Variants in ZNF628 observed in about 807,000 individuals in gnomAD.
The protein encoded by ZNF628 is zinc finger protein 628.
In ZNF628, 3 loss-of-function variants were observed where a neutral mutation model predicts 2.5. The ratio of observed to expected loss-of-function variants is 1.19; its 90% CI spans 0.54 to 3.07. ZNF628 has a LOEUF of 3.07. Among genes scored for constraint, ZNF628 ranks in the 30% most tolerant of loss-of-function variants. ZNF628 has a pLI of 0.03. For missense variants in ZNF628, 1,610 were observed against 1,517.1 expected (o/e 1.06, Z -1.02); for synonymous variants, 861 against 717.1 (o/e 1.20, Z -3.21).
chr19:55,482,571 G>A lies in ZNF628; in HGVS notation c.1378G>A (p.Gly460Ser). ...GCGGCCCTACAAATGTGCCGAGTGC[G>A]GCAAGTCCTTCAAGGGCTCCTCCGG... ...AERPYKCAEC[G>S]KSFKGSSGLR... The change falls in exon 3 of 3, where the codon GGC (glycine) becomes AGC (serine). Residue 460 changes from glycine (G) to serine (S), a missense_variant. Physicochemically the swap from Gly to Ser is moderately conservative, Grantham distance 56. Around this residue, in one of 5 missense-constraint regions of ZNF628, gnomAD observed 651 missense variants for 575.6 expected, o/e 1.13. Transcript: ENST00000598519. 6.3e-7 allele frequency: 1 copy of A among 1,596,300 alleles called. No individual in the cohort carries two copies. Among genetic ancestry groups the A allele is most frequent in the Non-Finnish European group, 8.5e-7 (1 of 1,175,176 alleles).
intron 1 of ZNF628, among the ~76,000 whole-genome samples, chr19:55,478,683 G>A (rs556912046): frequency 3.0e-4 from 46 of 152,372 alleles, no homozygotes; most frequent in Non-Finnish European, 6.3e-4. Flanking sequence ...CCGTGGGGAG[G>A]CTGTTGCAGC....
intron 2 of ZNF628, among the ~76,000 whole-genome samples, chr19:55,480,403 G>A (rs1036169399): frequency 3.3e-5 from 5 of 151,808 alleles, no homozygotes; most frequent in South Asian, 2.1e-4. Context: ...CTGCCACCAC[G>A]TCCAGCTAAT....
In ZNF628 at chr19:55,481,888, CG is replaced by C. The variant is rs1322407251; in HGVS notation, c.698del (p.Gly233ValfsTer194). 1 of 1,512,818 alleles carries C rather than the reference CG, an allele frequency of 6.6e-7. No individual in the cohort carries two copies. Among genetic ancestry groups the C allele is most frequent in the African/African-American group, 1.4e-5 (1 of 70,998 alleles). The allele number at this position is 1,512,818 out of a possible 1,614,324, so 93.7% of individuals were successfully genotyped here. On this transcript the variant is annotated frameshift_variant, in exon 3 of 3. Coordinates refer to ENST00000598519, the MANE Select transcript of ZNF628 (RefSeq NM_033113.3). LOFTEE classifies it low-confidence loss of function (END_TRUNC). ...CGCACGCACGGCGCCGCCCCCGCCC[CG>C]GGTACCGCCTCCGCGGCCCCGCCCC... ...HQRTHGAAPA[P>X]GTASAAPPPQ...
At position 55,484,115 on chromosome 19, in the gene ZNF628, C is replaced by G. The variant is rs1986840745; in HGVS notation, c.2922C>G (p.Leu974=). 1.3e-6 allele frequency: 2 copies of G among 1,592,010 alleles called. No homozygotes were observed. Among genetic ancestry groups the G allele is most frequent in the Non-Finnish European group, 1.7e-6 (2 of 1,171,194 alleles). The change falls in exon 3 of 3, where the codon CTC becomes CTG. Residue 974 remains leucine (L), a synonymous_variant. Transcript: ENST00000598519. ...CCACCGGCCCACCCGGACAGAAACT[C>G]CTCATCATCCGCAGCGCCCCAGCCA... ...PPATGPPGQK[L]LIIRSAPATE...
Position 55,481,218 on chromosome 19 carries a change from C to A in ZNF628, c.25C>A (p.His9Asn). MSGVMVGS[H>N]ADMAPASTAE... ...TCCCCCAGGTGTGATGGTCGGCTCCCACGCGGACATGGCGCCGGCCTCTAC... is the reference window on the plus strand; with the variant it reads ...TCCCCCAGGTGTGATGGTCGGCTCCAACGCGGACATGGCGCCGGCCTCTAC... The change falls in exon 3 of 3, where the codon CAC becomes AAC. Residue 9 changes from histidine (H) to asparagine (N), a missense_variant. His to Asn is a moderately conservative substitution (Grantham distance 68). Transcript: ENST00000598519. The A allele has an allele frequency of 6.4e-7, 1 of 1,557,708 alleles. No homozygotes were observed. Among genetic ancestry groups the A allele is most frequent in the Middle Eastern group, 1.7e-4 (1 of 5,734 alleles).
In ZNF628 at chr19:55,481,245, G is replaced by T; in HGVS notation, c.52G>T (p.Ala18Ser). 1 of 1,580,406 alleles carries T rather than the reference G, an allele frequency of 6.3e-7. No individual in the cohort carries two copies. Among genetic ancestry groups the T allele is most frequent in the Non-Finnish European group, 8.6e-7 (1 of 1,165,918 alleles). Residue 18 changes from alanine to serine, a missense_variant, in exon 3 of 3, where the codon GCG becomes TCG. Physicochemically the swap from Ala to Ser is moderately conservative, Grantham distance 99 (BLOSUM62 1). Coordinates refer to ENST00000598519, the MANE Select transcript of ZNF628 (RefSeq NM_033113.3). ...SHADMAPAST[A>S]EGAGEKPGPA... Reference sequence around the variant, plus strand: ...CGCGGACATGGCGCCGGCCTCTACTGCGGAGGGGGCCGGGGAGAAGCCAGG... The same window carrying T: ...CGCGGACATGGCGCCGGCCTCTACTTCGGAGGGGGCCGGGGAGAAGCCAGG...
rs765366997 is a variant in ZNF628 at position 55,483,937 on chromosome 19, G to T, written c.2744G>T (p.Ser915Ile). ...GPGEAGDGEA[S>I]TGVVQDVLFE... The stretch of plus-strand genomic sequence containing the variant: ...GGGGAGGCGGGGGATGGCGAGGCCA[G>T]CACTGGTGTGGTCCAGGATGTCCTC... The change falls in exon 3 of 3, where the codon AGC becomes ATC. Residue 915 changes from serine to isoleucine, a missense_variant. Coordinates refer to ENST00000598519, the MANE Select transcript of ZNF628 (RefSeq NM_033113.3). The T allele has an allele frequency of 1.3e-6, 2 of 1,573,898 alleles. No homozygotes were observed. The highest frequency in any genetic ancestry group is 1.7e-6 in the Non-Finnish European group (2 of 1,158,932).
In ZNF628 at chr19:55,481,181, AC is replaced by A; in HGVS notation, c.8-17del. 1 of 1,507,100 alleles carries A rather than the reference AC, an allele frequency of 6.6e-7. No homozygotes were observed. The allele number at this position is 1,507,100 out of a possible 1,614,324, so 93.4% of individuals were successfully genotyped here. On this transcript the variant is annotated intron_variant, in intron 2 of 2. Transcript: ENST00000598519. ...GATCCAGTGCGGGGGTGAGCCGCTG[AC>A]CCAGAATCCCTCCCCCAGGTGTGAT...
chr19:55,477,453 C>A (rs143174149), intron 1 of ZNF628, among the ~76,000 whole-genome samples: 1 of 149,852 alleles, frequency 6.7e-6, no homozygotes, highest in African/African-American at 2.4e-5. Context: ...TTAAAGGGTA[C>A]ACTTATCTTT....
rs1357646346 is a variant in ZNF628 at position 55,476,822 on chromosome 19, G to T, written c.-78+15G>T. The T allele has an allele frequency of 1.3e-5, 2 of 149,576 alleles. No homozygotes were observed. Among genetic ancestry groups the T allele is most frequent in the Non-Finnish European group, 3.0e-5 (2 of 67,040 alleles). 9.3% of individuals were successfully genotyped at this position (149,576 alleles called of 1,614,324 possible). A position where few individuals can be genotyped will look rare whatever the true frequency, so the allele number is the denominator to read the frequency against. On this transcript the variant is annotated intron_variant, in intron 1 of 2. Transcript: ENST00000598519. The stretch of plus-strand genomic sequence containing the variant: ...TGGGGCCGCAGGTGAGAGACCGGAG[G>T]GGGTGGGGGTGGGGGGAGGGACCGG...
rs150844462 is a variant in ZNF628, at chr19:55,484,095, G to A, written c.2902G>A (p.Gly968Ser). ...TGGGCTGACGGAGCCGCCTGCCACC[G>A]GCCCACCCGGACAGAAACTCCTCAT... is the stretch of plus-strand genomic sequence containing the variant. ...PPGLTEPPAT[G>S]PPGQKLLIIR... The change falls in exon 3 of 3, where the codon GGC (glycine) becomes AGC (serine). Residue 968 changes from glycine (G) to serine (S), a missense_variant. By Grantham distance (56) the Gly-to-Ser change is moderately conservative. Transcript: ENST00000598519. The A allele has an allele frequency of 6.3e-6, 10 of 1,592,202 alleles. No homozygotes were observed. In the African/African-American group the frequency reaches 1.3e-4, roughly 21 times the overall value.
rs146031583 is a variant in ZNF628, at chr19:55,484,119, A to C, written c.2926A>C (p.Ile976Leu). 8 of 1,591,110 alleles carry C rather than the reference A, an allele frequency of 5.0e-6. No individual in the cohort carries two copies. In the Admixed American group the frequency reaches 5.2e-5, roughly 10 times the overall value. Reference protein sequence around the residue: ...ATGPPGQKLLIIRSAPATELL... With the variant: ...ATGPPGQKLLLIRSAPATELL... ...CGGCCCACCCGGACAGAAACTCCTCATCATCCGCAGCGCCCCAGCCACTGA... is the reference window on the plus strand; with the variant it reads ...CGGCCCACCCGGACAGAAACTCCTCCTCATCCGCAGCGCCCCAGCCACTGA... Residue 976 changes from isoleucine (I) to leucine (L), a missense_variant, in exon 3 of 3, where the codon ATC becomes CTC. By Grantham distance (5) the Ile-to-Leu change is conservative. This residue lies in a region of ZNF628 where 712 missense variants were observed against 603.6 expected (regional missense o/e 1.18). Coordinates refer to ENST00000598519, the MANE Select transcript of ZNF628 (RefSeq NM_033113.3).
intron 1 of ZNF628, among the ~76,000 whole-genome samples, chr19:55,477,522 G>A (rs538649577): frequency 1.4e-4 from 21 of 152,272 alleles, no homozygotes; most frequent in African/African-American, 5.1e-4. Context: ...AGCACTTTGG[G>A]AGGCCGAGGC....
In ZNF628 at chr19:55,484,242, G is replaced by A; in HGVS notation, c.3049G>A (p.Gly1017Arg). Residue 1017 changes from glycine to arginine, a missense_variant, in exon 3 of 3, where the codon GGG (glycine) becomes AGG (arginine). Gly to Arg is a moderately radical substitution (Grantham distance 125). Transcript: ENST00000598519. Reference sequence around the variant, plus strand: ...AGCCTCGGGCCCCGCGGGGCTCCCCGGGGCTCCAGCCTCCCAGATGGTGCA... The same window carrying A: ...AGCCTCGGGCCCCGCGGGGCTCCCCAGGGCTCCAGCCTCCCAGATGGTGCA... Reference protein sequence around the residue: ...GPASGPAGLPGAPASQMVQVV... With the variant: ...GPASGPAGLPRAPASQMVQVV... The A allele has an allele frequency of 6.5e-7, 1 of 1,548,348 alleles. No individual in the cohort carries two copies. The highest frequency in any genetic ancestry group is 8.7e-7 in the Non-Finnish European group (1 of 1,146,098).
Position 55,483,225 on chromosome 19 carries a change from G to A in ZNF628, c.2032G>A (p.Val678Ile). ...AARAPPATQDVHVLPHLQATL... is the reference protein window; with the variant it reads ...AARAPPATQDIHVLPHLQATL... ...GCGGGCCCCGCCAGCCACCCAAGAT[G>A]TCCACGTCCTGCCCCACCTCCAGGC... Residue 678 changes from valine to isoleucine, a missense_variant, in exon 3 of 3, where the codon GTC becomes ATC. Around this residue, in one of 5 missense-constraint regions of ZNF628, gnomAD observed 712 missense variants for 603.6 expected, o/e 1.18. Coordinates refer to ENST00000598519, the MANE Select transcript of ZNF628 (RefSeq NM_033113.3). The A allele has an allele frequency of 1.3e-6, 2 of 1,540,352 alleles. No individual in the cohort carries two copies. The highest frequency in any genetic ancestry group is 1.7e-6 in the Non-Finnish European group (2 of 1,149,258).
chr19:55,482,502 GC>G lies in ZNF628; in HGVS notation c.1314del (p.Val439SerfsTer203), dbSNP rs752132186. 2.8e-6 allele frequency: 4 copies of G among 1,439,444 alleles called. No individual in the cohort carries two copies. Among genetic ancestry groups the G allele is most frequent in the South Asian group, 1.4e-5 (1 of 71,506 alleles). The allele number at this position is 1,439,444 out of a possible 1,614,324, so 89.2% of individuals were successfully genotyped here. On this transcript the variant is annotated frameshift_variant, in exon 3 of 3. Coordinates refer to ENST00000598519, the MANE Select transcript of ZNF628 (RefSeq NM_033113.3). LOFTEE classifies it low-confidence loss of function (END_TRUNC). ...CCCCCAGGAACCGCTGGCGCCTGCC[GC>G]CCCCGTCCCGCCGCCACCCCCGTCC... Reference protein sequence around the residue: ...TCPQEPLAPAAPVPPPPPSAP... With the variant: ...TCPQEPLAPAXPVPPPPPSAP...
rs997975178 is a variant in ZNF628, at chr19:55,481,910, G to GC, written c.724dup (p.Gln242ProfsTer40). On this transcript the variant is annotated frameshift_variant, in exon 3 of 3. Coordinates refer to ENST00000598519, the MANE Select transcript of ZNF628 (RefSeq NM_033113.3). LOFTEE classifies it low-confidence loss of function (END_TRUNC). The stretch of plus-strand genomic sequence containing the variant: ...CCCCGGGTACCGCCTCCGCGGCCCC[G>GC]CCCCCCCAGTCCCGGGAGCCCGGCA... The GC allele has an allele frequency of 1.2e-5, 17 of 1,365,930 alleles. No homozygotes were observed. The highest frequency in any genetic ancestry group is 7.6e-5 in the Admixed American group (3 of 39,582). The allele number at this position is 1,365,930 out of a possible 1,614,324, so 84.6% of individuals were successfully genotyped here.
In ZNF628 at chr19:55,483,480, G is replaced by T; in HGVS notation, c.2287G>T (p.Ala763Ser). ...CGGCCGTGCAAGGCAGGGCCCGCGGGCAGTGGGGAAAGCGGGCCAGGGGGC... is the reference window on the plus strand; with the variant it reads ...CGGCCGTGCAAGGCAGGGCCCGCGGTCAGTGGGGAAAGCGGGCCAGGGGGC... Reference protein sequence around the residue: ...GGGRARQGPRAVGKAGQGAGV... With the variant: ...GGGRARQGPRSVGKAGQGAGV... The change falls in exon 3 of 3, where the codon GCA becomes TCA. Residue 763 changes from alanine to serine, a missense_variant. Physicochemically the swap from Ala to Ser is moderately conservative, Grantham distance 99. Around this residue, in one of 5 missense-constraint regions of ZNF628, gnomAD observed 712 missense variants for 603.6 expected, o/e 1.18. Transcript: ENST00000598519. 6.5e-7 allele frequency: 1 copy of T among 1,528,848 alleles called. No individual in the cohort carries two copies. 94.7% of individuals were successfully genotyped at this position (1,528,848 alleles called of 1,614,324 possible).
chr19:55,480,219 A>G (rs1327609650), intron 2 of ZNF628, among the ~76,000 whole-genome samples: 1 of 149,620 alleles, frequency 6.7e-6, no homozygotes, highest in Non-Finnish European at 1.5e-5. Context: ...AGGTTGTTCC[A>G]GGCTCAACCA....
Sources: allele counts gnomAD v4.1 joint callset (sites outside exome capture counted in the v4.1 genomes callset), GRCh38; gene constraint gnomAD v4.1.1; regional missense constraint gnomAD v4.1.1; transcripts MANE v1.5; gene names NCBI Gene and HGNC (gene_info 2026-07-23, HGNC 2026-07-21).